Variants in EIF2AK2 observed in about 807,000 individuals in gnomAD.
The protein encoded by EIF2AK2 is eukaryotic translation initiation factor 2 alpha kinase 2, also known as interferon-induced, double-stranded RNA-activated protein kinase.
In EIF2AK2, 40 loss-of-function variants were observed where a neutral mutation model predicts 70.5. The ratio of observed to expected loss-of-function variants is 0.57; its 90% confidence interval spans 0.44 to 0.74. The LOEUF (loss-of-function observed/expected upper bound fraction) is 0.74, where lower values mean the gene tolerates loss of function less well. Among genes scored for constraint, EIF2AK2 ranks in the 30% least tolerant of loss-of-function variants. The pLI, the probability that EIF2AK2 is intolerant of heterozygous loss-of-function variation, is 0.00. For missense variants in EIF2AK2, 555 were observed against 644.3 expected (o/e 0.86, Z 1.50); for synonymous variants, 198 against 220.9 (o/e 0.90, Z 0.92).
At chr2:37,127,427 C>G (rs1245766932) in intron 10 of EIF2AK2, among the ~76,000 whole-genome samples, 1 of 152,204 alleles carries the variant, frequency 6.6e-6, no homozygotes, top group Non-Finnish European at 1.5e-5. Flanking sequence ...ACAAAAAGCC[C>G]TTAAATGGCC....
At chr2:37,118,445 T>C (rs75794793) in intron 13 of EIF2AK2, among the ~76,000 whole-genome samples, 5,831 of 152,298 alleles carry the variant, frequency 0.038, 155 homozygotes, top group Non-Finnish European at 0.055. Flanking sequence ...ACACACGGTG[T>C]GGGGCATAGT....
At chr2:37,137,390 T>C (rs912698266) in intron 8 of EIF2AK2, among the ~76,000 whole-genome samples, 2 of 152,228 alleles carry the variant, frequency 1.3e-5, no homozygotes, top group African/African-American at 4.8e-5. Context: ...AGAATACTCT[T>C]GTAACACTAA....
chr2:37,124,811 T>G (rs1215237940), intron 11 of EIF2AK2, among the ~76,000 whole-genome samples: 1 of 151,516 alleles, frequency 6.6e-6, no homozygotes, highest in Non-Finnish European at 1.5e-5. Context: ...CACTGCAGCC[T>G]CCACCTACTG....
intron 10 of EIF2AK2, among the ~76,000 whole-genome samples, chr2:37,132,008 G>A (rs1375600043): frequency 6.6e-6 from 1 of 152,114 alleles, no homozygotes; most frequent in Admixed American, 6.6e-5. Context: ...ATCATTAATG[G>A]AAAACTAATC....
intron 12 of EIF2AK2, among the ~76,000 whole-genome samples, chr2:37,121,134 G>T (rs1167381852): frequency 1.1e-4 from 17 of 148,880 alleles, no homozygotes; most frequent in African/African-American, 4.1e-4. Flanking sequence ...GTGGTGGCGG[G>T]CGCCTGTAGT....
At chr2:37,154,590 C>T (rs1457452046) in intron 1 of EIF2AK2, among the ~76,000 whole-genome samples, 1 of 151,958 alleles carries the variant, frequency 6.6e-6, no homozygotes, top group Non-Finnish European at 1.5e-5. Context: ...GACAGAGTTT[C>T]GCTCTTGTTG....
chr2:37,125,408 G>A (rs1558416328), intron 11 of EIF2AK2, among the ~76,000 whole-genome samples: 1 of 152,212 alleles, frequency 6.6e-6, no homozygotes, highest in Non-Finnish European at 1.5e-5. Flanking sequence ...TCAGTGACTT[G>A]TTTAACCAAT....
intron 1 of EIF2AK2, among the ~76,000 whole-genome samples, chr2:37,150,227 A>G (rs1439381084): frequency 6.6e-6 from 1 of 152,178 alleles, no homozygotes; most frequent in Non-Finnish European, 1.5e-5. Context: ...CACAAGCAAT[A>G]AAAGGCTGGA....
intron 1 of EIF2AK2, among the ~76,000 whole-genome samples, chr2:37,153,840 A>G (rs1162403646): frequency 6.6e-6 from 1 of 152,198 alleles, no homozygotes; most frequent in Non-Finnish European, 1.5e-5. Flanking sequence ...TTTGTGGTAT[A>G]TAAGTGGAAT....
chr2:37,126,318 G>GT lies in EIF2AK2; in HGVS notation c.878dup (p.Tyr293Ter). 6.2e-7 allele frequency: 1 copy of GT among 1,609,936 alleles called. No individual in the cohort carries two copies. The highest frequency in any genetic ancestry group is 8.5e-7 in the Non-Finnish European group (1 of 1,178,354). Reference sequence around the variant, plus strand: ...TATTATATTTAACACGTTTAATAACGTAAGTCTTTCCGTCAATTCTGTGTT... The same window carrying GT: ...TATTATATTTAACACGTTTAATAACGTTAAGTCTTTCCGTCAATTCTGTGTT... ...KAKHRIDGKT[Y>*]VIKRVKYNNE... Residue 293 changes from tyrosine to a stop codon, truncating the protein, a stop_gained and frameshift_variant, in exon 11 of 17, where the codon TAC becomes TAAC. Coordinates refer to ENST00000233057, the MANE Select transcript of EIF2AK2 (RefSeq NM_001135651.3). LOFTEE classifies it high-confidence loss of function.
chr2:37,132,687 C>A (rs1674986747), intron 10 of EIF2AK2, among the ~76,000 whole-genome samples: 1 of 152,202 alleles, frequency 6.6e-6, no homozygotes, highest in Non-Finnish European at 1.5e-5. Context: ...TTCCCACATA[C>A]ACATAACCCC....
At chr2:37,155,467 A>G (rs1675889622) in intron 1 of EIF2AK2, among the ~76,000 whole-genome samples, 1 of 151,986 alleles carries the variant, frequency 6.6e-6, no homozygotes, top group Non-Finnish European at 1.5e-5. Flanking sequence ...CTCTGTACCC[A>G]CCAATATCCA....
intron 10 of EIF2AK2, among the ~76,000 whole-genome samples, chr2:37,134,413 G>A (rs1675053239): frequency 6.6e-6 from 1 of 152,246 alleles, no homozygotes; most frequent in Non-Finnish European, 1.5e-5. Context: ...ACACCCTGCT[G>A]ACCATCAAAC....
intron 14 of EIF2AK2, among the ~76,000 whole-genome samples, chr2:37,113,811 T>A (rs1043105050): frequency 3.3e-5 from 5 of 152,182 alleles, no homozygotes; most frequent in African/African-American, 1.2e-4. Flanking sequence ...CCAAAACTGA[T>A]CACTGGAGAG....
chr2:37,142,051 G>A (rs1675350833), intron 4 of EIF2AK2, among the ~76,000 whole-genome samples: 1 of 152,288 alleles, frequency 6.6e-6, no homozygotes, highest in East Asian at 1.9e-4. Flanking sequence ...TGAAAAAGAT[G>A]AATATAATAG....
chr2:37,135,759 T>C (rs945948557), intron 9 of EIF2AK2, among the ~76,000 whole-genome samples: 7 of 152,140 alleles, frequency 4.6e-5, no homozygotes, highest in Non-Finnish European at 7.4e-5. Context: ...GCCTCCCAGG[T>C]AGCTGGGATT....
chr2:37,104,717 CACTG>C lies in EIF2AK2; in HGVS notation c.*2552_*2555del, dbSNP rs1673913206. On this transcript the variant is annotated 3_prime_UTR_variant, in exon 17 of 17. Transcript: ENST00000233057. Reference sequence around the variant, plus strand: ...TCTCCCCTTTTTTTTTTTTTCATGACACTGACTTTTTGAGAAGCCCAAGTCAATC... The same window carrying C: ...TCTCCCCTTTTTTTTTTTTTCATGACACTTTTTGAGAAGCCCAAGTCAATC... 1 of 148,770 alleles carries C rather than the reference CACTG, an allele frequency of 6.7e-6. No homozygotes were observed. Among genetic ancestry groups the C allele is most frequent in the Non-Finnish European group, 1.5e-5 (1 of 67,392 alleles). 9.2% of individuals were successfully genotyped at this position (148,770 alleles called of 1,614,324 possible). A position where few individuals can be genotyped will look rare whatever the true frequency, so the allele number is the denominator to read the frequency against.
At chr2:37,121,553 C>T (rs1674551216) in intron 12 of EIF2AK2, among the ~76,000 whole-genome samples, 1 of 147,420 alleles carries the variant, frequency 6.8e-6, no homozygotes, top group Admixed American at 6.8e-5. Context: ...AAACCTAAAA[C>T]AATAGGGAAG....
At chr2:37,146,072 A>G (rs1157527436) in intron 4 of EIF2AK2, among the ~76,000 whole-genome samples, 1 of 151,862 alleles carries the variant, frequency 6.6e-6, no homozygotes, top group Non-Finnish European at 1.5e-5. Context: ...TTTATACTGT[A>G]TTTTTACCGT....
Sources: allele counts gnomAD v4.1 joint callset (sites outside exome capture counted in the v4.1 genomes callset), GRCh38; gene constraint gnomAD v4.1.1; transcripts MANE v1.5; gene names NCBI Gene and HGNC (gene_info 2026-07-23, HGNC 2026-07-21).